The following CADM2 variants were observed in gnomAD, a reference collection of about 807,000 sequenced individuals.
CADM2 encodes the protein cell adhesion molecule 2.
In CADM2, 12 loss-of-function variants were observed where a neutral mutation model predicts 49.8. That is an observed-to-expected ratio of 0.24 (90% CI 0.15 to 0.39). The LOEUF (loss-of-function observed/expected upper bound fraction) is 0.39, where lower values mean the gene tolerates loss of function less well. Ranked by LOEUF, CADM2 falls within the 10% of genes least tolerant of loss-of-function variation. The pLI is 1.00. For synonymous variants in CADM2, 214 were observed against 175.4 expected, an observed-to-expected ratio of 1.22 and a Z score of -1.74; for missense variants, 378 against 492.3, an observed-to-expected ratio of 0.77 and a Z score of 2.20.
At chr3:85,658,605 T>C (rs1331770491) in intron 1 of CADM2, among the ~76,000 whole-genome samples, 5 of 140,644 alleles carry the variant, frequency 3.6e-5, no homozygotes, top group Non-Finnish European at 7.7e-5. Flanking sequence ...TATATATATA[T>C]ATATATATAT....
chr3:85,549,561 A>G (rs1347648247), intron 1 of CADM2, among the ~76,000 whole-genome samples: 1 of 152,186 alleles, frequency 6.6e-6, no homozygotes, highest in African/African-American at 2.4e-5. Context: ...GAAAGAGGAA[A>G]CACAAATGGC....
chr3:85,285,123 A>G (rs1315924033), intron 1 of CADM2, among the ~76,000 whole-genome samples: 2 of 152,156 alleles, frequency 1.3e-5, no homozygotes, highest in Non-Finnish European at 2.9e-5. Context: ...AGTTGGAAGG[A>G]CAAAGCTGCT....
At chr3:85,001,909 T>C (rs148187396) in intron 1 of CADM2, among the ~76,000 whole-genome samples, 1 of 152,116 alleles carries the variant, frequency 6.6e-6, no homozygotes, top group African/African-American at 2.4e-5. Context: ...CCTTCAAATA[T>C]GTGATTAATA....
intron 2 of CADM2, among the ~76,000 whole-genome samples, chr3:85,738,119 C>A (rs1449922892): frequency 6.6e-6 from 1 of 151,238 alleles, no homozygotes; most frequent in African/African-American, 2.5e-5. Flanking sequence ...ACAATCAAAT[C>A]TCTTGGCTGC....
chr3:85,006,164 A>T (rs916479499), intron 1 of CADM2, among the ~76,000 whole-genome samples: 2 of 152,084 alleles, frequency 1.3e-5, no homozygotes, highest in Non-Finnish European at 2.9e-5. Context: ...TTTATGGAGT[A>T]CTCTCTGCTT....
chr3:85,557,830 T>G (rs758611603), intron 1 of CADM2, among the ~76,000 whole-genome samples: 2 of 152,050 alleles, frequency 1.3e-5, no homozygotes, highest in Admixed American at 6.6e-5. Flanking sequence ...CTATGTGCCA[T>G]GTCCACAAGA....
intron 8 of CADM2, among the ~76,000 whole-genome samples, chr3:86,025,948 G>A (rs985056233): frequency 2.0e-5 from 3 of 152,062 alleles, no homozygotes; most frequent in Non-Finnish European, 2.9e-5. Context: ...ATGTTTTACA[G>A]CAGTCCAAAA....
chr3:85,120,094 A>G (rs2038797082), intron 1 of CADM2, among the ~76,000 whole-genome samples: 1 of 152,248 alleles, frequency 6.6e-6, no homozygotes, highest in African/African-American at 2.4e-5. Flanking sequence ...AATGCTCATT[A>G]ACACTGGTCA....
chr3:85,082,599 T>C (rs2037207327), intron 1 of CADM2, among the ~76,000 whole-genome samples: 1 of 152,122 alleles, frequency 6.6e-6, no homozygotes, highest in African/African-American at 2.4e-5. Flanking sequence ...TCTTGACCTG[T>C]GACATAGAAG....
At chr3:85,223,492 A>G (rs1456251298) in intron 1 of CADM2, among the ~76,000 whole-genome samples, 2 of 152,218 alleles carry the variant, frequency 1.3e-5, no homozygotes, top group Non-Finnish European at 2.9e-5. Flanking sequence ...GACTCTGTAC[A>G]CAAAAAATAT....
Position 85,811,713 on chromosome 3 carries a change from G to A in CADM2, c.238+9517G>A, listed in dbSNP as rs146925199. Reference sequence around the variant, plus strand: ...ATCATCTAGGAGTATCATTTTAGACGGTTGTGGCAGTAGAAGTGGGATGAT... The same window carrying A: ...ATCATCTAGGAGTATCATTTTAGACAGTTGTGGCAGTAGAAGTGGGATGAT... On this transcript the variant is annotated intron_variant, in intron 3 of 9. Transcript: ENST00000383699. 2.7e-3 allele frequency among the ~76,000 whole-genome samples: 410 copies of A among 152,224 alleles called. 1 individual carries two copies. The highest frequency in any genetic ancestry group is 9.5e-3 in the African/African-American group (396 of 41,544).
chr3:85,951,008 T>A (rs960092588), intron 7 of CADM2, among the ~76,000 whole-genome samples: 1 of 151,086 alleles, frequency 6.6e-6, no homozygotes, highest in African/African-American at 2.4e-5. Context: ...CTGATAGTGA[T>A]GTTTGAGTAG....
chr3:85,827,865 G>C (rs557610367), intron 3 of CADM2: 3 of 151,972 alleles, frequency 2.0e-5, no homozygotes, highest in Admixed American at 6.6e-5. Flanking sequence ...CATGGATCCA[G>C]GTTCTTTCTA....
chr3:85,387,867 C>G (rs909913242), intron 1 of CADM2, among the ~76,000 whole-genome samples: 2 of 152,134 alleles, frequency 1.3e-5, no homozygotes, highest in Non-Finnish European at 2.9e-5. Flanking sequence ...CACCCAAGTT[C>G]TATAGCACCA....
chr3:85,336,827 A>C (rs952972765), intron 1 of CADM2, among the ~76,000 whole-genome samples: 4 of 148,078 alleles, frequency 2.7e-5, no homozygotes, highest in African/African-American at 9.8e-5. Flanking sequence ...AAAGCTGATA[A>C]AAATATCAAG....
At chr3:85,477,832 A>G (rs1287827807) in intron 1 of CADM2, among the ~76,000 whole-genome samples, 1 of 151,904 alleles carries the variant, frequency 6.6e-6, no homozygotes, top group African/African-American at 2.4e-5. Context: ...CAGAAACTCC[A>G]TCTGGCTGTA....
intron 1 of CADM2, among the ~76,000 whole-genome samples, chr3:85,668,085 A>G (rs2065624693): frequency 6.6e-6 from 1 of 151,994 alleles, no homozygotes; most frequent in South Asian, 2.1e-4. Context: ...TCGTTTTTAT[A>G]GCAAGTTTTC....
intron 1 of CADM2, among the ~76,000 whole-genome samples, chr3:85,560,019 C>T (rs1212049439): frequency 6.6e-6 from 1 of 152,106 alleles, no homozygotes; most frequent in Non-Finnish European, 1.5e-5. Context: ...CTCTTTGAGT[C>T]ATAATTCCAA....
At chr3:85,767,336 T>C (rs2069710356) in intron 2 of CADM2, among the ~76,000 whole-genome samples, 1 of 152,200 alleles carries the variant, frequency 6.6e-6, no homozygotes, top group Admixed American at 6.6e-5. Context: ...AGGCATGTAA[T>C]GAAATGATAA....
Sources: allele counts gnomAD v4.1 joint callset (sites outside exome capture counted in the v4.1 genomes callset), GRCh38; gene constraint gnomAD v4.1.1; transcripts MANE v1.5; gene names NCBI Gene and HGNC (gene_info 2026-07-23, HGNC 2026-07-21).